MAGI2: variants seen among roughly 807,000 people sequenced by gnomAD.
The protein encoded by MAGI2 is membrane associated guanylate kinase, WW and PDZ domain containing 2.
MAGI2 carries 35 observed loss-of-function variants against 133.3 expected under a neutral mutation model. The observed-to-expected ratio is 0.26, with a 90% CI of 0.20 to 0.35. The LOEUF is 0.35. MAGI2 is among the 10% of genes least tolerant of loss of function. MAGI2 has a pLI of 1.00. For missense variants in MAGI2, 1,636 were observed against 1,863.4 expected (o/e 0.88, Z 2.25); for synonymous variants, 729 against 710.6 (o/e 1.03, Z -0.41).
intron 10 of MAGI2, among the ~76,000 whole-genome samples, chr7:78,223,615 A>C (rs1358546829): frequency 6.6e-6 from 1 of 152,204 alleles, no homozygotes; most frequent in African/African-American, 2.4e-5. Flanking sequence ...AATAATCAAA[A>C]ATAACCATTA....
chr7:78,882,138 A>C (rs558973975), intron 2 of MAGI2, among the ~76,000 whole-genome samples: 59 of 144,962 alleles, frequency 4.1e-4, no homozygotes, highest in African/African-American at 1.3e-3. Flanking sequence ...AAAGAGAGAG[A>C]GAGAAGACCC....
intron 5 of MAGI2, among the ~76,000 whole-genome samples, chr7:78,495,004 C>A (rs760585912): frequency 6.6e-5 from 10 of 152,138 alleles, no homozygotes; most frequent in Non-Finnish European, 1.3e-4. Context: ...GGTAAATATT[C>A]TGGAGTCAAC....
At chr7:79,164,096 C>G (rs1412209744) in intron 1 of MAGI2, among the ~76,000 whole-genome samples, 2 of 151,968 alleles carry the variant, frequency 1.3e-5, no homozygotes, top group Non-Finnish European at 2.9e-5. Flanking sequence ...CACCCTGAGA[C>G]CTGCTGCTGT....
chr7:79,445,671 C>T (rs555981002), intron 1 of MAGI2, among the ~76,000 whole-genome samples: 6 of 152,064 alleles, frequency 3.9e-5, no homozygotes, highest in Admixed American at 6.5e-5. Flanking sequence ...AAACAACAGG[C>T]GCTGGAGAGG....
chr7:78,309,510 G>A (rs909462840), intron 9 of MAGI2, among the ~76,000 whole-genome samples: 15 of 152,006 alleles, frequency 9.9e-5, no homozygotes, highest in African/African-American at 3.6e-4. Context: ...ACGCAAAGAG[G>A]GGAACAATAG....
Position 79,123,752 on chromosome 7 carries a change from T to C in MAGI2, c.302-116546A>G, listed in dbSNP as rs373577353. Among the ~76,000 whole-genome samples, 227 of 128,502 alleles carry C rather than the reference T, an allele frequency of 1.8e-3. 2 individuals carry two copies. Among genetic ancestry groups the C allele is most frequent in the African/African-American group, 6.1e-3 (219 of 35,882 alleles). The allele number at this position is 128,502 out of a possible 152,430, so 84.3% of individuals were successfully genotyped here. A position where few individuals can be genotyped will look rare whatever the true frequency, so the allele number is the denominator to read the frequency against. On this transcript the variant is annotated intron_variant, in intron 1 of 21. Transcript: ENST00000354212. ...AGTGAGCTGAGATCGCACCACTGCA[T>C]TCCAGCCTGGGCGACAGAGTGAGAC...
chr7:78,133,151 ATGG>A, intron 17 of MAGI2, 91 bp from the exon 18 acceptor site: 1 of 1,015,758 alleles, frequency 9.8e-7, no homozygotes, highest in Admixed American at 2.6e-5. Flanking sequence ...GCCTCTGCTG[ATGG>A]CTCAGGCTTT....
At chr7:79,041,310 G>A (rs1811645886) in intron 1 of MAGI2, among the ~76,000 whole-genome samples, 1 of 152,096 alleles carries the variant, frequency 6.6e-6, no homozygotes, top group Non-Finnish European at 1.5e-5. Flanking sequence ...TCTGAAATAT[G>A]TATAAAAATA....
At chr7:79,077,498 C>A (rs549281340) in intron 1 of MAGI2, among the ~76,000 whole-genome samples, 6 of 145,914 alleles carry the variant, frequency 4.1e-5, no homozygotes, top group Non-Finnish European at 6.0e-5. Context: ...TGGTGTGAAC[C>A]TGGCCGGTGG....
At chr7:79,125,099 A>T (rs1386257595) in intron 1 of MAGI2, 1 of 261,822 alleles carries the variant, frequency 3.8e-6, no homozygotes, top group East Asian at 9.3e-5. Context: ...TACCTAAGAG[A>T]CTATTTGGAA....
At chr7:79,269,449 G>A (rs1405914188) in intron 1 of MAGI2, among the ~76,000 whole-genome samples, 2 of 152,034 alleles carry the variant, frequency 1.3e-5, no homozygotes. Context: ...TCAGGTGCAA[G>A]GCTCTTTGTT....
rs182276758 is a variant in MAGI2 at position 78,142,437 on chromosome 7, G to A, written c.2846-7231C>T. Reference sequence around the variant, plus strand: ...GAGCCAAAACAATCCTTTTCTCTGTGGGTGCATTTTCCACTCCCCTGTACA... The same window carrying A: ...GAGCCAAAACAATCCTTTTCTCTGTAGGTGCATTTTCCACTCCCCTGTACA... On this transcript the variant is annotated intron_variant, in intron 16 of 21. Coordinates refer to ENST00000354212, the MANE Select transcript of MAGI2 (RefSeq NM_012301.4). Among the ~76,000 whole-genome samples the A allele has an allele frequency of 4.0e-3, 615 of 152,154 alleles. 2 individuals carry two copies. Among genetic ancestry groups the A allele is most frequent in the Non-Finnish European group, 6.4e-3 (436 of 67,982 alleles).
At chr7:78,219,657 C>T (rs1025834317) in intron 10 of MAGI2, among the ~76,000 whole-genome samples, 2 of 152,218 alleles carry the variant, frequency 1.3e-5, no homozygotes, top group Non-Finnish European at 2.9e-5. Flanking sequence ...AATGTAATCT[C>T]TTCCCCCACA....
chr7:78,234,678 C>T (rs1056389956), intron 10 of MAGI2, among the ~76,000 whole-genome samples: 5 of 151,128 alleles, frequency 3.3e-5, no homozygotes, highest in African/African-American at 9.7e-5. Flanking sequence ...ATGAACATGA[C>T]TTTATAAGGC....
At chr7:78,219,705 C>T (rs1390468162) in intron 10 of MAGI2, among the ~76,000 whole-genome samples, 1 of 152,192 alleles carries the variant, frequency 6.6e-6, no homozygotes, top group Non-Finnish European at 1.5e-5. Flanking sequence ...CTATAGCAAA[C>T]CATTCTCCAA....
intron 2 of MAGI2, among the ~76,000 whole-genome samples, chr7:78,692,310 T>A (rs1585102775): frequency 6.6e-6 from 1 of 152,216 alleles, no homozygotes; most frequent in Non-Finnish European, 1.5e-5. Flanking sequence ...GTATTTATAC[T>A]GCAGAAAGCA....
At chr7:78,101,582 C>A (rs968621518) in intron 20 of MAGI2, among the ~76,000 whole-genome samples, 24 of 152,202 alleles carry the variant, frequency 1.6e-4, no homozygotes, top group African/African-American at 5.8e-4. Flanking sequence ...ATTATAAAAC[C>A]TGAAAATTTA....
intron 9 of MAGI2, among the ~76,000 whole-genome samples, chr7:78,305,841 T>C (rs539049397): frequency 6.6e-6 from 1 of 152,312 alleles, no homozygotes; most frequent in South Asian, 2.1e-4. Context: ...TAAAACATTG[T>C]TTTAAATCCA....
In MAGI2 at chr7:78,987,397, C is replaced by T. The variant is rs1052020375; in HGVS notation, c.418+19693G>A. On this transcript the variant is annotated intron_variant, in intron 2 of 21. Coordinates refer to ENST00000354212, the MANE Select transcript of MAGI2 (RefSeq NM_012301.4). ...TGACAACTTAATGCTGATTATTTTCCGTACATGTTGATAACTAATGCTTTC... is the reference window on the plus strand; with the variant it reads ...TGACAACTTAATGCTGATTATTTTCTGTACATGTTGATAACTAATGCTTTC... 7.9e-5 allele frequency among the ~76,000 whole-genome samples: 12 copies of T among 152,036 alleles called. No homozygotes were observed. In the South Asian group the frequency reaches 1.2e-3, roughly 16 times the overall value.
Sources: allele counts gnomAD v4.1 joint callset (sites outside exome capture counted in the v4.1 genomes callset), GRCh38; gene constraint gnomAD v4.1.1; transcripts MANE v1.5; gene names NCBI Gene and HGNC (gene_info 2026-07-23, HGNC 2026-07-21).